The following PPP4R3B variants were observed in gnomAD, a reference collection of about 807,000 sequenced individuals.
The protein encoded by PPP4R3B is serine/threonine-protein phosphatase 4 regulatory subunit 3B.
A neutral mutation model predicts 95.4 loss-of-function variants in PPP4R3B; 52 were observed. The observed-to-expected ratio is 0.54, with a 90% CI of 0.44 to 0.69. The LOEUF is 0.69. PPP4R3B is among the 30% of genes least tolerant of loss of function. The probability of loss-of-function intolerance (pLI) is 0.00; values close to 1 mark genes in which losing one functional copy is unlikely to be tolerated. For missense variants in PPP4R3B, 1,003 were observed against 1,005.9 expected, an observed-to-expected ratio of 1.00 and a Z score of 0.04; for synonymous variants, 407 against 343.9, an observed-to-expected ratio of 1.18 and a Z score of -2.03.
intron 11 of PPP4R3B, among the ~76,000 whole-genome samples, chr2:55,576,937 A>G (rs1688764236): frequency 6.6e-6 from 1 of 152,192 alleles, no homozygotes; most frequent in South Asian, 2.1e-4. Flanking sequence ...TACTATGCCT[A>G]TTCTAAGTAG....
chr2:55,575,038 C>T (rs1219155339), intron 11 of PPP4R3B, among the ~76,000 whole-genome samples: 1 of 149,540 alleles, frequency 6.7e-6, no homozygotes, highest in Non-Finnish European at 1.5e-5. Flanking sequence ...CCCGGGTTCA[C>T]GCCATTCTCC....
intron 3 of PPP4R3B, among the ~76,000 whole-genome samples, chr2:55,603,364 A>C (rs1162200186): frequency 6.6e-6 from 1 of 152,226 alleles, no homozygotes; most frequent in Admixed American, 6.5e-5. Flanking sequence ...CACTAGAATA[A>C]ATTATCCACC....
At chr2:55,615,574 C>T (rs1479871342) in intron 1 of PPP4R3B, 68 bp from the exon 2 acceptor site, 3 of 1,203,412 alleles carry the variant, frequency 2.5e-6, no homozygotes, top group African/African-American at 3.1e-5. Context: ...TTAGAATACA[C>T]ATTAAAGCCG....
chr2:55,579,104 A>C (rs771001990), intron 9 of PPP4R3B, among the ~76,000 whole-genome samples: 3 of 152,094 alleles, frequency 2.0e-5, no homozygotes, highest in Non-Finnish European at 4.4e-5. Flanking sequence ...CCTTCAAAAA[A>C]TTTTTAGATT....
At chr2:55,580,646 T>C (rs1689329484) in intron 8 of PPP4R3B, among the ~76,000 whole-genome samples, 1 of 152,232 alleles carries the variant, frequency 6.6e-6, no homozygotes, top group Admixed American at 6.5e-5. Context: ...AACATTTTAA[T>C]ATTTTATACT....
intron 3 of PPP4R3B, among the ~76,000 whole-genome samples, chr2:55,601,950 T>C (rs1692679878): frequency 3.9e-5 from 6 of 151,900 alleles, no homozygotes; most frequent in Admixed American, 3.9e-4. Context: ...TAAACTAAAC[T>C]AAGAAAAATG....
intron 4 of PPP4R3B, among the ~76,000 whole-genome samples, chr2:55,596,384 A>G (rs1275745723): frequency 6.6e-6 from 1 of 152,276 alleles, no homozygotes; most frequent in Non-Finnish European, 1.5e-5. Flanking sequence ...ATCCTCGGGC[A>G]ACAACTGTTC....
chr2:55,550,132 G>A (rs1003426638), intron 16 of PPP4R3B, 126 bp from the exon 17 acceptor site: 4 of 674,712 alleles, frequency 5.9e-6, no homozygotes, highest in Non-Finnish European at 7.4e-6. Context: ...ATTAACATTT[G>A]AATTTGATAA....
At chr2:55,593,049 C>T (rs1691259406) in intron 4 of PPP4R3B, among the ~76,000 whole-genome samples, 1 of 152,030 alleles carries the variant, frequency 6.6e-6, no homozygotes, top group African/African-American at 2.4e-5. Flanking sequence ...ATCCCAGCTC[C>T]CAGGAGGCTG....
At position 55,579,963 on chromosome 2, in the gene PPP4R3B, A is replaced by T. The variant is rs148506175; in HGVS notation, c.1366-182T>A. On this transcript the variant is annotated intron_variant, in intron 8 of 16. Transcript: ENST00000616407. ...ATCAAACACTTGGTTATACGTTGTC[A>T]AAGAACCAAAAACTAACTATATTCA... Among the ~76,000 whole-genome samples, 43 of 152,316 alleles carry T rather than the reference A, an allele frequency of 2.8e-4. No homozygotes were observed. The East Asian group carries it at 8.3e-3, about 29-fold the overall frequency.
intron 3 of PPP4R3B, 139 bp downstream of exon 3, chr2:55,603,839 T>C (rs1259411211): frequency 3.8e-6 from 2 of 525,292 alleles, no homozygotes; most frequent in African/African-American, 1.9e-5. Flanking sequence ...CCGTAGAATA[T>C]AAAAAATTTC....
intron 9 of PPP4R3B, 114 bp downstream of exon 9, chr2:55,579,565 T>A (rs1689159466): frequency 1.8e-6 from 1 of 569,770 alleles, no homozygotes; most frequent in Non-Finnish European, 2.8e-6. Context: ...TTTAAGTTTT[T>A]CAGTCGTAAT....
intron 3 of PPP4R3B, among the ~76,000 whole-genome samples, chr2:55,603,113 C>A (rs1692866499): frequency 6.6e-6 from 1 of 152,092 alleles, no homozygotes; most frequent in Non-Finnish European, 1.5e-5. Context: ...CTACCACGCC[C>A]AGCTAATTTT....
chr2:55,610,682 A>G (rs1392229334), intron 2 of PPP4R3B, among the ~76,000 whole-genome samples: 1 of 152,180 alleles, frequency 6.6e-6, no homozygotes, highest in East Asian at 1.9e-4. Context: ...TTGTTGCCTC[A>G]TGTGTGAAAT....
At chr2:55,559,025 T>C (rs1053962167) in intron 15 of PPP4R3B, 57 bp from the exon 16 acceptor site, 2 of 1,357,360 alleles carry the variant, frequency 1.5e-6, no homozygotes, top group Admixed American at 4.3e-5. Context: ...AGTCAAAACA[T>C]CTAAAAACAG....
At chr2:55,591,219 C>G (rs1479156329) in intron 4 of PPP4R3B, among the ~76,000 whole-genome samples, 1 of 151,812 alleles carries the variant, frequency 6.6e-6, no homozygotes, top group African/African-American at 2.4e-5. Flanking sequence ...TCAGTGTAGC[C>G]TCGACCTCCT....
intron 4 of PPP4R3B, among the ~76,000 whole-genome samples, chr2:55,598,177 G>A (rs13019595): frequency 0.19 from 29,083 of 152,064 alleles, 3,006 homozygotes; most frequent in East Asian, 0.29. Context: ...CTGAGATTGC[G>A]CCACTGCATT....
intron 1 of PPP4R3B, among the ~76,000 whole-genome samples, chr2:55,616,344 G>A (rs1236364978): frequency 6.6e-6 from 1 of 152,124 alleles, no homozygotes; most frequent in Admixed American, 6.6e-5. Flanking sequence ...GAACAAGCAA[G>A]AATACAAAAT....
intron 16 of PPP4R3B, among the ~76,000 whole-genome samples, chr2:55,556,965 AGGTGG>A (rs1412169201): frequency 6.6e-6 from 1 of 152,046 alleles, no homozygotes; most frequent in African/African-American, 2.4e-5. Flanking sequence ...CGGGAGGCTG[AGGTGG>A]GAGGATCAGT....
Sources: gnomAD v4.1 joint callset for allele counts (sites outside exome capture counted in the v4.1 genomes callset) on GRCh38, gnomAD v4.1.1 for gene constraint, MANE v1.5 for transcripts, NCBI Gene and HGNC (gene_info 2026-07-23, HGNC 2026-07-21) for gene names.